The following TTC28 variants were observed in gnomAD, a reference collection of about 807,000 sequenced individuals.
TTC28 encodes tetratricopeptide repeat domain 28.
Under a neutral mutation model 198.0 loss-of-function variants are expected in TTC28, and 61 were observed. The ratio of observed to expected loss-of-function variants is 0.31; its 90% CI spans 0.25 to 0.38. The LOEUF (loss-of-function observed/expected upper bound fraction) is 0.38. Ranked by LOEUF, TTC28 falls within the 10% of genes least tolerant of loss-of-function variation. TTC28 has a pLI of 1.00. For synonymous variants in TTC28, 1,171 were observed against 1,297.8 expected, an observed-to-expected ratio of 0.90 and a Z score of 2.10; for missense variants, 2,678 against 3,164.0, an observed-to-expected ratio of 0.85 and a Z score of 3.69.
chr22:28,495,011 T>C (rs2048433992), intron 2 of TTC28, among the ~76,000 whole-genome samples: 1 of 151,796 alleles, frequency 6.6e-6, no homozygotes, highest in Admixed American at 6.6e-5. Flanking sequence ...TGGTTGAATA[T>C]TAAAATTGAA....
intron 2 of TTC28, among the ~76,000 whole-genome samples, chr22:28,361,226 CA>C (rs2145960328): frequency 6.6e-6 from 1 of 152,206 alleles, no homozygotes; most frequent in South Asian, 2.1e-4. Context: ...TGAGATAGGC[CA>C]AAAGCCAAGA....
At chr22:28,192,307 A>C (rs1284935386) in intron 5 of TTC28, among the ~76,000 whole-genome samples, 1 of 152,112 alleles carries the variant, frequency 6.6e-6, no homozygotes, top group African/African-American at 2.4e-5. Flanking sequence ...ATCATCAAAG[A>C]CCAAAGGTAG....
intron 21 of TTC28, chr22:27,985,929 A>C (rs1937197762): frequency 6.5e-6 from 1 of 154,522 alleles, no homozygotes; most frequent in South Asian, 2.1e-4. Flanking sequence ...AATTCTAAGG[A>C]TTCTAATGAG....
intron 8 of TTC28, among the ~76,000 whole-genome samples, chr22:28,102,402 A>G (rs1224119931): frequency 6.6e-6 from 1 of 152,246 alleles, no homozygotes; most frequent in Non-Finnish European, 1.5e-5. Flanking sequence ...AGGCACCTGC[A>G]GTTTGGGTCA....
intron 6 of TTC28, among the ~76,000 whole-genome samples, chr22:28,123,561 G>A (rs1017452003): frequency 3.3e-5 from 5 of 152,084 alleles, no homozygotes; most frequent in Non-Finnish European, 7.4e-5. Flanking sequence ...CCAGCCTCCC[G>A]CTGTATCAGT....
At chr22:27,991,522 G>C (rs1937407887) in intron 19 of TTC28, among the ~76,000 whole-genome samples, 1 of 152,208 alleles carries the variant, frequency 6.6e-6, no homozygotes, top group African/African-American at 2.4e-5. Flanking sequence ...GTAGCACTCA[G>C]TGTGTTTCAG....
At chr22:28,215,650 G>A (rs906398093) in intron 5 of TTC28, among the ~76,000 whole-genome samples, 6 of 152,092 alleles carry the variant, frequency 3.9e-5, no homozygotes, top group African/African-American at 1.4e-4. Flanking sequence ...GTGTAAGAGA[G>A]AGGATGTGTT....
rs879727339 is a variant in TTC28 at position 28,248,255 on chromosome 22, G to A, written c.933+47943C>T. On this transcript the variant is annotated intron_variant, in intron 5 of 22. Transcript: ENST00000397906. ...TGCCCACACATGGCTGAAAACTCCA[G>A]GAAACCTTAGAGCCCCTATCTATCT... 2.0e-5 allele frequency among the ~76,000 whole-genome samples: 3 copies of A among 152,242 alleles called. No individual in the cohort carries two copies. In the South Asian group the frequency reaches 6.2e-4, roughly 32 times the overall value.
intron 12 of TTC28, among the ~76,000 whole-genome samples, chr22:28,044,589 G>A (rs943741663): frequency 6.6e-6 from 1 of 152,040 alleles, no homozygotes; most frequent in Non-Finnish European, 1.5e-5. Context: ...ATCTCCTAAT[G>A]CTATCCCTCC....
At chr22:28,388,968 G>A (rs1264654556) in intron 2 of TTC28, among the ~76,000 whole-genome samples, 2 of 152,094 alleles carry the variant, frequency 1.3e-5, no homozygotes, top group Non-Finnish European at 2.9e-5. Flanking sequence ...GTATGATATT[G>A]GCTGTGGGTT....
chr22:28,558,659 G>A (rs984722226), intron 2 of TTC28, among the ~76,000 whole-genome samples: 15 of 144,150 alleles, frequency 1.0e-4, no homozygotes, highest in East Asian at 6.5e-4. Context: ...TGGGCAACAA[G>A]AGTGAAACTC....
rs754294343 is a variant in TTC28 at position 27,982,768 on chromosome 22, G to C, written c.6899C>G (p.Ser2300Cys). ...YPSSPYSAHI[S>C]KSPRNMSPSS... Reference sequence around the variant, plus strand: ...TGGGGACATGTTCCTTGGTGATTTGGAAATGTGAGCGCTGTAAGGAGAGCT... The same window carrying C: ...TGGGGACATGTTCCTTGGTGATTTGCAAATGTGAGCGCTGTAAGGAGAGCT... The change falls in exon 23 of 23, where the codon TCC becomes TGC. Residue 2300 changes from serine (S) to cysteine (C), a missense_variant. Physicochemically the swap from Ser to Cys is moderately radical, Grantham distance 112. This residue lies in a region of TTC28 where 622 missense variants were observed against 656.0 expected (regional missense o/e 0.95). Coordinates refer to ENST00000397906, the MANE Select transcript of TTC28 (RefSeq NM_001145418.2). The surrounding 1 kb of genome is among the most constrained non-coding windows in gnomAD (Gnocchi z 5.2). 1.9e-6 allele frequency: 3 copies of C among 1,550,230 alleles called. No individual in the cohort carries two copies. The South Asian group carries it at 3.6e-5, about 18-fold the overall frequency.
chr22:28,243,048 A>C (rs1044488957), intron 5 of TTC28, among the ~76,000 whole-genome samples: 1 of 150,570 alleles, frequency 6.6e-6, no homozygotes, highest in Admixed American at 6.6e-5. Flanking sequence ...AAAAAAAAAA[A>C]AAAACTGGGC....
intron 1 of TTC28, among the ~76,000 whole-genome samples, chr22:28,671,241 G>A (rs558142774): frequency 6.6e-5 from 10 of 151,226 alleles, no homozygotes; most frequent in East Asian, 6.0e-4. Flanking sequence ...CACCTCAACC[G>A]GCCTGTTTAT....
intron 13 of TTC28, among the ~76,000 whole-genome samples, chr22:28,020,588 G>A (rs373649630): frequency 6.6e-6 from 1 of 152,314 alleles, no homozygotes; most frequent in African/African-American, 2.4e-5. Flanking sequence ...GAGGATGAAG[G>A]GCTCTATTCC....
At chr22:28,515,535 TAGC>T (rs2048769398) in intron 2 of TTC28, among the ~76,000 whole-genome samples, 1 of 152,164 alleles carries the variant, frequency 6.6e-6, no homozygotes. Context: ...GTTTAGCAAA[TAGC>T]AGAGCTCTCG....
At chr22:28,304,740 A>G (rs1172446674) in intron 3 of TTC28, among the ~76,000 whole-genome samples, 1 of 152,210 alleles carries the variant, frequency 6.6e-6, no homozygotes, top group Non-Finnish European at 1.5e-5. Context: ...TCACTCCAAT[A>G]TTCTAAGGCA....
chr22:28,231,561 G>C (rs956735716), intron 5 of TTC28, among the ~76,000 whole-genome samples: 1 of 152,164 alleles, frequency 6.6e-6, no homozygotes, highest in Non-Finnish European at 1.5e-5. Flanking sequence ...GATCACAGCA[G>C]GGAACTGCTC....
At chr22:28,269,098 T>A (rs1268349184) in intron 5 of TTC28, among the ~76,000 whole-genome samples, 2 of 152,128 alleles carry the variant, frequency 1.3e-5, no homozygotes, top group African/African-American at 2.4e-5. Context: ...CTGGCAATGG[T>A]CTTTCACGCA....
Sources: allele counts gnomAD v4.1 joint callset (sites outside exome capture counted in the v4.1 genomes callset), GRCh38; gene constraint gnomAD v4.1.1; regional missense constraint gnomAD v4.1.1; non-coding constraint Gnocchi (gnomAD v3.1); transcripts MANE v1.5; gene names NCBI Gene and HGNC (gene_info 2026-07-23, HGNC 2026-07-21).